Variants in ADGRV1 observed in about 807,000 individuals in gnomAD.
ADGRV1 encodes G-protein coupled receptor 98.
In ADGRV1, 359 loss-of-function variants were observed where a neutral mutation model predicts 596.2. That is an observed-to-expected ratio of 0.60 (90% CI 0.55 to 0.66). The LOEUF (loss-of-function observed/expected upper bound fraction) is 0.66, where lower values mean the gene tolerates loss of function less well. Among genes scored for constraint, ADGRV1 ranks in the 30% least tolerant of loss-of-function variants. ADGRV1 has a pLI of 0.00. For missense variants in ADGRV1, 7,274 were observed against 7,575.6 expected (o/e 0.96, Z 1.48); for synonymous variants, 2,681 against 2,679.2 (o/e 1.00, Z -0.02).
chr5:90,992,338 T>C (rs1781041154), intron 85 of ADGRV1, among the ~76,000 whole-genome samples: 1 of 152,230 alleles, frequency 6.6e-6, no homozygotes, highest in East Asian at 1.9e-4. Context: ...GTTCTCTTAG[T>C]TTGATTTTTA....
chr5:90,987,944 AT>A lies in ADGRV1; in HGVS notation c.18152+2427del, dbSNP rs200930128. 4.9e-4 allele frequency among the ~76,000 whole-genome samples: 74 copies of A among 152,154 alleles called. 1 individual carries two copies. In the East Asian group the frequency reaches 0.013, roughly 26 times the overall value. ...TCTTTCCTGCCAGCCCTGAAGTCTA[AT>A]TTTTGTCTCCTTAGCTCTTTGAGAT... On this transcript the variant is annotated intron_variant, in intron 85 of 89. Transcript: ENST00000405460.
rs1158358801 is a variant in ADGRV1 at position 90,717,430 on chromosome 5, G to GTT, written c.9447+701_9447+702insTT. The GTT allele has an allele frequency of 3.5e-4, 29 of 83,684 alleles. 1 individual carries two copies. The highest frequency in any genetic ancestry group is 2.3e-3 in the Admixed American group (16 of 6,846). The allele number at this position is 83,684 out of a possible 1,614,324, so 5.2% of individuals were successfully genotyped here. The stretch of plus-strand genomic sequence containing the variant: ...ATTTGCAAGATTATGTTGCAAATGT[G>GTT]ATTTTTTTTTTTTTTTTTTTTTGAG... On this transcript the variant is annotated intron_variant, in intron 43 of 89. Transcript: ENST00000405460.
intron 4 of ADGRV1, among the ~76,000 whole-genome samples, chr5:90,620,003 T>C (rs907147458): frequency 6.6e-6 from 1 of 152,070 alleles, no homozygotes; most frequent in African/African-American, 2.4e-5. Context: ...TCTATCATTG[T>C]TGGACATTTG....
intron 83 of ADGRV1, among the ~76,000 whole-genome samples, chr5:90,937,738 T>C (rs958919073): frequency 2.0e-5 from 3 of 152,226 alleles, no homozygotes; most frequent in Non-Finnish European, 2.9e-5. Context: ...ATTACAGGCG[T>C]GAGCCACAGC....
At chr5:91,065,536 G>A (rs1787810817) in intron 85 of ADGRV1, among the ~76,000 whole-genome samples, 1 of 152,184 alleles carries the variant, frequency 6.6e-6, no homozygotes, top group Admixed American at 6.5e-5. Flanking sequence ...GGAGTTCCCA[G>A]CATCCATTCC....
intron 83 of ADGRV1, among the ~76,000 whole-genome samples, chr5:90,946,418 G>A (rs1217599546): frequency 1.3e-5 from 2 of 152,060 alleles, no homozygotes; most frequent in Non-Finnish European, 2.9e-5. Flanking sequence ...TAATCATTTT[G>A]CAATATCTGT....
intron 29 of ADGRV1, among the ~76,000 whole-genome samples, chr5:90,688,731 A>T (rs1312147977): frequency 6.6e-6 from 1 of 152,220 alleles, no homozygotes; most frequent in Admixed American, 6.5e-5. Context: ...TGCACAAATC[A>T]ATGAAAAGTA....
chr5:91,123,987 C>A (rs1357406303), intron 87 of ADGRV1, among the ~76,000 whole-genome samples: 1 of 152,068 alleles, frequency 6.6e-6, no homozygotes, highest in East Asian at 1.9e-4. Flanking sequence ...GAGCGAAGGG[C>A]AGGCCAGTGG....
At chr5:90,615,455 A>G (rs1182880166) in intron 2 of ADGRV1, among the ~76,000 whole-genome samples, 1 of 151,936 alleles carries the variant, frequency 6.6e-6, no homozygotes, top group African/African-American at 2.4e-5. Flanking sequence ...TAAGTATATT[A>G]ACTTAAGTAA....
chr5:90,685,814 A>G lies in ADGRV1; in HGVS notation c.6309A>G (p.Glu2103=). 3 of 1,611,022 alleles carry G rather than the reference A, an allele frequency of 1.9e-6. No homozygotes were observed. The highest frequency in any genetic ancestry group is 2.5e-6 in the Non-Finnish European group (3 of 1,178,538). The part of the protein sequence containing the change: ...PNSPRLGPKV[E]TIAQLIIIAN... ...CTCCACGTCTTGGGCCTAAGGTAGAAACTATTGCGCAACTAATTATCATTG... is the reference window on the plus strand; with the variant it reads ...CTCCACGTCTTGGGCCTAAGGTAGAGACTATTGCGCAACTAATTATCATTG... The change falls in exon 29 of 90, where the codon GAA becomes GAG. Residue 2103 remains glutamate, a synonymous_variant. Coordinates refer to ENST00000405460, the MANE Select transcript of ADGRV1 (RefSeq NM_032119.4).
chr5:90,897,626 C>G (rs1436624848), intron 83 of ADGRV1, among the ~76,000 whole-genome samples: 1 of 152,108 alleles, frequency 6.6e-6, no homozygotes, highest in East Asian at 1.9e-4. Context: ...ATTTTGTATT[C>G]TACTATTGTA....
intron 67 of ADGRV1, among the ~76,000 whole-genome samples, chr5:90,787,584 T>G (rs1362093807): frequency 6.9e-6 from 1 of 145,202 alleles, no homozygotes; most frequent in African/African-American, 2.5e-5. Context: ...TTGTCTTTCT[T>G]TCTTTCTTTT....
intron 85 of ADGRV1, among the ~76,000 whole-genome samples, chr5:91,028,144 A>G (rs1181826104): frequency 6.6e-6 from 1 of 151,916 alleles, no homozygotes; most frequent in East Asian, 1.9e-4. Context: ...ATGAGCAAAG[A>G]ATAGAGCTTC....
Position 90,933,166 on chromosome 5 carries a change from A to G in ADGRV1, c.17857-32249A>G, listed in dbSNP as rs150138633. On this transcript the variant is annotated intron_variant, in intron 83 of 89. Transcript: ENST00000405460. ...TCTGCTCTGTGTCGGGCCTTGTTCT[A>G]TATTTTGTTTACGGCAATGAACATA... Among the ~76,000 whole-genome samples, 537 of 152,270 alleles carry G rather than the reference A, an allele frequency of 3.5e-3. 6 individuals carry two copies. In the South Asian group the frequency reaches 0.041, roughly 12 times the overall value.
At chr5:91,145,771 A>G (rs1257066108) in intron 87 of ADGRV1, among the ~76,000 whole-genome samples, 1 of 152,204 alleles carries the variant, frequency 6.6e-6, no homozygotes, top group East Asian at 1.9e-4. Context: ...TTTTTTTAAC[A>G]ATACAGATTA....
rs146477392 is a variant in ADGRV1, at chr5:91,151,931, A to G, written c.18625-1290A>G. Among the ~76,000 whole-genome samples, 265 of 152,368 alleles carry G rather than the reference A, an allele frequency of 1.7e-3. 2 individuals carry two copies. Among genetic ancestry groups the G allele is most frequent in the Non-Finnish European group, 1.0e-3 (68 of 68,038 alleles). ...TCAAGTTCATTTCTAAAGTTCTCAG[A>G]TCGCCATTTTCAGAAACGAAGTGTC... On this transcript the variant is annotated intron_variant, in intron 88 of 89. Transcript: ENST00000405460.
chr5:90,594,302 T>C (rs1580379527), intron 1 of ADGRV1, among the ~76,000 whole-genome samples: 2 of 151,574 alleles, frequency 1.3e-5, no homozygotes. Flanking sequence ...AGTGAGTGAG[T>C]TCTTGTGAGT....
At chr5:90,802,438 C>T (rs1006013463) in intron 70 of ADGRV1, among the ~76,000 whole-genome samples, 2 of 152,042 alleles carry the variant, frequency 1.3e-5, no homozygotes, top group Non-Finnish European at 2.9e-5. Flanking sequence ...ACCATGTTGG[C>T]CACGCTGGTC....
Position 90,629,462 on chromosome 5 carries a change from C to CA in ADGRV1, c.1768dup (p.Thr590AsnfsTer12). 6.2e-7 allele frequency: 1 copy of CA among 1,613,024 alleles called. No individual in the cohort carries two copies. Among genetic ancestry groups the CA allele is most frequent in the Non-Finnish European group, 8.5e-7 (1 of 1,179,612 alleles). On this transcript the variant is annotated frameshift_variant, in exon 9 of 90. Coordinates refer to ENST00000405460, the MANE Select transcript of ADGRV1 (RefSeq NM_032119.4). LOFTEE classifies it high-confidence loss of function. ...GAGAAATGACCTCATTTTTCCAGAG[C>CA]AAAAAACTCAAGTCACTACAAAATT... is the stretch of plus-strand genomic sequence containing the variant.
Sources: gnomAD v4.1 joint callset for allele counts (sites outside exome capture counted in the v4.1 genomes callset) on GRCh38, gnomAD v4.1.1 for gene constraint, MANE v1.5 for transcripts, NCBI Gene and HGNC (gene_info 2026-07-23, HGNC 2026-07-21) for gene names.